The following VPS54 variants were observed in gnomAD, a reference collection of about 807,000 sequenced individuals.
The protein encoded by VPS54 is VPS54 subunit of GARP complex, also known as vacuolar protein sorting-associated protein 54.
A neutral mutation model predicts 121.5 loss-of-function variants in VPS54; 45 were observed. The ratio of observed to expected loss-of-function variants is 0.37; its 90% CI spans 0.29 to 0.47. VPS54 has a LOEUF of 0.47. Among genes scored for constraint, VPS54 ranks in the 20% least tolerant of loss-of-function variants. The pLI is 0.99. For missense variants in VPS54, 1,090 were observed against 1,131.4 expected (o/e 0.96, Z 0.52); for synonymous variants, 371 against 385.8 (o/e 0.96, Z 0.45).
intron 7 of VPS54, among the ~76,000 whole-genome samples, chr2:63,956,805 T>A (rs560582616): frequency 2.6e-5 from 4 of 152,048 alleles, no homozygotes; most frequent in African/African-American, 9.7e-5. Flanking sequence ...ATGGCGGTGG[T>A]AGTAATCATG....
At chr2:63,903,785 A>T (rs146360397) in intron 20 of VPS54, among the ~76,000 whole-genome samples, 4 of 152,298 alleles carry the variant, frequency 2.6e-5, no homozygotes, top group African/African-American at 7.2e-5. Context: ...CCAACTTTAA[A>T]GATTAAACAA....
intron 3 of VPS54, among the ~76,000 whole-genome samples, chr2:63,973,232 T>C (rs1240975063): frequency 6.6e-6 from 1 of 152,254 alleles, no homozygotes; most frequent in East Asian, 1.9e-4. Context: ...TTCTAATAGA[T>C]ATGTAGTGGC....
At chr2:63,920,716 ATATT>A in intron 13 of VPS54, 89 bp from the exon 14 acceptor site, 1 of 717,114 alleles carries the variant, frequency 1.4e-6, no homozygotes, top group Non-Finnish European at 1.9e-6. Flanking sequence ...TATAATCTAT[ATATT>A]TTTTATTTTA....
chr2:63,914,406 G>T (rs1466439911), intron 16 of VPS54, 119 bp from the exon 17 acceptor site: 4 of 689,220 alleles, frequency 5.8e-6, no homozygotes, highest in African/African-American at 1.8e-5. Context: ...TAATGACCTT[G>T]GTAACTATGT....
chr2:63,898,462 G>C (rs1315515869), intron 21 of VPS54, among the ~76,000 whole-genome samples: 2 of 152,078 alleles, frequency 1.3e-5, no homozygotes, highest in East Asian at 3.9e-4. Context: ...TCATGAGTTT[G>C]GTATGATTTA....
Position 63,893,669 on chromosome 2 carries a change from T to C in VPS54, c.2829-134A>G. The C allele has an allele frequency of 4.3e-6, 3 of 700,260 alleles. No homozygotes were observed. In the South Asian group the frequency reaches 6.1e-5, roughly 14 times the overall value. The allele number at this position is 700,260 out of a possible 1,614,324, so 43.4% of individuals were successfully genotyped here. A position where few individuals can be genotyped will look rare whatever the true frequency, so the allele number is the denominator to read the frequency against. On this transcript the variant is annotated intron_variant, in intron 22 of 22. Transcript: ENST00000272322. ...TTAGTGCCCAAGTGTCCAAATACTT[T>C]ACTTAGCAGGATTCCTGCTATGAAT...
chr2:63,942,100 T>C (rs1473906911), intron 11 of VPS54, among the ~76,000 whole-genome samples: 1 of 151,298 alleles, frequency 6.6e-6, no homozygotes, highest in African/African-American at 2.4e-5. Context: ...TAAAACACCA[T>C]TATATCAACA....
intron 22 of VPS54, among the ~76,000 whole-genome samples, chr2:63,895,631 T>C (rs1427787267): frequency 6.6e-6 from 1 of 152,206 alleles, no homozygotes; most frequent in African/African-American, 2.4e-5. Context: ...TAGTTAATTT[T>C]ATGTTATGTG....
chr2:63,909,629 A>C (rs987011129), intron 20 of VPS54, among the ~76,000 whole-genome samples: 1 of 146,848 alleles, frequency 6.8e-6, no homozygotes, highest in African/African-American at 2.4e-5. Flanking sequence ...CATCTTGGCC[A>C]GGCTGGTCTT....
chr2:63,975,799 C>G (rs1676497366), intron 3 of VPS54, among the ~76,000 whole-genome samples: 1 of 152,214 alleles, frequency 6.6e-6, no homozygotes, highest in African/African-American at 2.4e-5. Context: ...TATTCATTCT[C>G]TATTGAAATT....
rs550227127 is a variant in VPS54, at chr2:63,913,997, G to T, written c.2334+185C>A. 98 of 1,191,914 alleles carry T rather than the reference G, an allele frequency of 8.2e-5. No individual in the cohort carries two copies. In the Admixed American group the frequency reaches 3.0e-3, roughly 36 times the overall value. The allele number at this position is 1,191,914 out of a possible 1,614,324, so 73.8% of individuals were successfully genotyped here. Reference sequence around the variant, plus strand: ...TGGGTGAATGAGGATCACTAACTGTGGAGTAAGAAGGAAGCAGGCAGCCTG... The same window carrying T: ...TGGGTGAATGAGGATCACTAACTGTTGAGTAAGAAGGAAGCAGGCAGCCTG... On this transcript the variant is annotated intron_variant, in intron 17 of 22. Transcript: ENST00000272322.
At chr2:63,981,135 C>T (rs17028282) in intron 3 of VPS54, among the ~76,000 whole-genome samples, 3,695 of 152,162 alleles carry the variant, frequency 0.024, 138 homozygotes, top group African/African-American at 0.084. Context: ...CAGCCACTTA[C>T]TAATAATCTG....
chr2:63,932,151 A>T (rs1575924169), intron 12 of VPS54, among the ~76,000 whole-genome samples: 3 of 152,346 alleles, frequency 2.0e-5, no homozygotes, highest in Admixed American at 2.0e-4. Context: ...ACATCCCATT[A>T]CTGGGCATAT....
At chr2:63,931,023 A>G (rs1199445499) in intron 12 of VPS54, among the ~76,000 whole-genome samples, 1 of 151,544 alleles carries the variant, frequency 6.6e-6, no homozygotes, top group Non-Finnish European at 1.5e-5. Flanking sequence ...GAGGACACAA[A>G]CAAATGGAAA....
At chr2:63,921,637 C>T (rs1468415481) in intron 12 of VPS54, among the ~76,000 whole-genome samples, 1 of 152,046 alleles carries the variant, frequency 6.6e-6, no homozygotes, top group African/African-American at 2.4e-5. Context: ...AAGCAAACCC[C>T]CTACCTCAGC....
intron 7 of VPS54, among the ~76,000 whole-genome samples, chr2:63,956,320 C>CA (rs1387722583): frequency 7.2e-5 from 11 of 152,054 alleles, no homozygotes; most frequent in African/African-American, 2.2e-4. Context: ...TCACAGTGGC[C>CA]ACTGATCAAT....
At chr2:63,953,365 T>C (rs1374157044) in intron 7 of VPS54, among the ~76,000 whole-genome samples, 2 of 152,068 alleles carry the variant, frequency 1.3e-5, no homozygotes, top group African/African-American at 4.8e-5. Context: ...GCTCCTGACC[T>C]CAAGTGGTCC....
At chr2:63,948,671 G>A (rs1675102841) in intron 8 of VPS54, among the ~76,000 whole-genome samples, 1 of 152,038 alleles carries the variant, frequency 6.6e-6, no homozygotes, top group Non-Finnish European at 1.5e-5. Flanking sequence ...AAACTGCTGG[G>A]ATTACAGGCA....
chr2:64,006,086 C>T (rs933269645), intron 1 of VPS54, among the ~76,000 whole-genome samples: 1 of 152,162 alleles, frequency 6.6e-6, no homozygotes, highest in Non-Finnish European at 1.5e-5. Context: ...CTGCTTGTTT[C>T]CTATCTCTCC....
Sources: gnomAD v4.1 joint callset for allele counts (sites outside exome capture counted in the v4.1 genomes callset) on GRCh38, gnomAD v4.1.1 for gene constraint, MANE v1.5 for transcripts, NCBI Gene and HGNC (gene_info 2026-07-23, HGNC 2026-07-21) for gene names.